The following FGD6 variants were observed in gnomAD, a reference collection of about 807,000 sequenced individuals.
FGD6 encodes the protein FYVE, RhoGEF and PH domain containing 6.
FGD6 carries 90 observed loss-of-function variants against 149.4 expected under a neutral mutation model. The observed-to-expected ratio is 0.60, with a 90% confidence interval of 0.51 to 0.72. The LOEUF (loss-of-function observed/expected upper bound fraction) is 0.72. Ranked by LOEUF, FGD6 falls within the 30% of genes least tolerant of loss-of-function variation. The pLI, the probability that FGD6 is intolerant of heterozygous loss-of-function variation, is 0.00. For synonymous variants in FGD6, 527 were observed against 584.0 expected, an observed-to-expected ratio of 0.90 and a Z score of 1.41; for missense variants, 1,437 against 1,684.8, an observed-to-expected ratio of 0.85 and a Z score of 2.57.
chr12:95,180,621 C>T (rs866887012), intron 2 of FGD6, among the ~76,000 whole-genome samples: 14 of 151,972 alleles, frequency 9.2e-5, no homozygotes, highest in Admixed American at 5.3e-4. Context: ...TGGGCTCAAA[C>T]TCCTAGGCTC....
chr12:95,104,529 T>A (rs571125382), intron 14 of FGD6, among the ~76,000 whole-genome samples: 1 of 151,868 alleles, frequency 6.6e-6, no homozygotes, highest in East Asian at 1.9e-4. Flanking sequence ...CTCCGCCTCC[T>A]GGGTTCAAGC....
In FGD6 at chr12:95,079,763, C is replaced by G. The variant is rs1035194962; in HGVS notation, c.*1757G>C. The G allele has an allele frequency of 2.0e-5, 3 of 152,000 alleles. No individual in the cohort carries two copies. Among genetic ancestry groups the G allele is most frequent in the African/African-American group, 7.2e-5 (3 of 41,388 alleles). The allele number at this position is 152,000 out of a possible 1,614,324, so 9.4% of individuals were successfully genotyped here. Reference sequence around the variant, plus strand: ...CCACAAAAAACTATAGCAGCCAACTCTAGATCTAGTAGGGACTCTGGTGCT... The same window carrying G: ...CCACAAAAAACTATAGCAGCCAACTGTAGATCTAGTAGGGACTCTGGTGCT... On this transcript the variant is annotated 3_prime_UTR_variant, in exon 21 of 21. Transcript: ENST00000343958.
At chr12:95,121,544 C>T (rs114222071) in intron 8 of FGD6, among the ~76,000 whole-genome samples, 1,728 of 148,060 alleles carry the variant, frequency 0.012, 43 homozygotes, top group African/African-American at 0.042. Flanking sequence ...AACTATCTTT[C>T]ATCCTGTCCT....
At chr12:95,104,247 TGCAAAAAGTGTTG>T (rs1220010619) in intron 14 of FGD6, among the ~76,000 whole-genome samples, 2 of 152,078 alleles carry the variant, frequency 1.3e-5, no homozygotes, top group Non-Finnish European at 1.5e-5. Flanking sequence ...CTAACCTAAG[TGCAAAAAGTGTTG>T]GCAATATCTT....
At chr12:95,124,331 CA>C (rs2136250473) in intron 8 of FGD6, among the ~76,000 whole-genome samples, 1 of 152,272 alleles carries the variant, frequency 6.6e-6, no homozygotes, top group East Asian at 1.9e-4. Flanking sequence ...AGCTGTTACC[CA>C]TATTTGGTCT....
intron 5 of FGD6, among the ~76,000 whole-genome samples, chr12:95,148,791 T>G (rs1275192114): frequency 1.9e-5 from 2 of 103,968 alleles, no homozygotes; most frequent in East Asian, 2.5e-4. Context: ...TATTATATAA[T>G]ACATAGCATA....
intron 8 of FGD6, among the ~76,000 whole-genome samples, chr12:95,121,462 A>ATATAT (rs1555218207): frequency 3.3e-5 from 2 of 60,320 alleles, no homozygotes; most frequent in African/African-American, 1.9e-4. Context: ...AAAAAAAAAA[A>ATATAT]AGATATATAT....
In FGD6 at chr12:95,217,417, C is replaced by G; in HGVS notation, c.-177G>C. 1 of 1,049,694 alleles carries G rather than the reference C, an allele frequency of 9.5e-7. No individual in the cohort carries two copies. The highest frequency in any genetic ancestry group is 1.3e-6 in the Non-Finnish European group (1 of 780,476). 65.0% of individuals were successfully genotyped at this position (1,049,694 alleles called of 1,614,324 possible). ...AAGGACGCGGCCGACTCTAGCGACC[C>G]TGCGGCGCTCCCGGGCGCGAGCCGC... On this transcript the variant is annotated 5_prime_UTR_variant, in exon 1 of 21. Coordinates refer to ENST00000343958, the MANE Select transcript of FGD6 (RefSeq NM_018351.4).
intron 2 of FGD6, among the ~76,000 whole-genome samples, chr12:95,176,520 G>A (rs1475686384): frequency 6.6e-6 from 1 of 152,158 alleles, no homozygotes; most frequent in Non-Finnish European, 1.5e-5. Context: ...TCTGCAAGAA[G>A]CCACAGTTTC....
At chr12:95,188,143 T>G (rs1565919369) in intron 2 of FGD6, among the ~76,000 whole-genome samples, 1 of 126,300 alleles carries the variant, frequency 7.9e-6, no homozygotes, top group African/African-American at 2.9e-5. Context: ...TAAACTTCAT[T>G]TTGCAATATA....
At chr12:95,103,933 T>G (rs775675837) in intron 14 of FGD6, among the ~76,000 whole-genome samples, 2 of 152,230 alleles carry the variant, frequency 1.3e-5, no homozygotes, top group Non-Finnish European at 2.9e-5. Context: ...TGTAATTTAG[T>G]TTCCTAATTT....
chr12:95,196,539 T>G (rs1164110942), intron 2 of FGD6, among the ~76,000 whole-genome samples: 1 of 151,846 alleles, frequency 6.6e-6, no homozygotes, highest in African/African-American at 2.4e-5. Context: ...CAGAAGGAAT[T>G]TAAATATGCT....
intron 15 of FGD6, 81 bp downstream of exon 15, chr12:95,094,511 G>A (rs927074801): frequency 1.1e-6 from 1 of 884,802 alleles, no homozygotes; most frequent in Non-Finnish European, 1.8e-6. Context: ...AACACATGTT[G>A]CTTTCTTAAA....
At chr12:95,128,690 T>C (rs1879421402) in intron 8 of FGD6, among the ~76,000 whole-genome samples, 1 of 152,206 alleles carries the variant, frequency 6.6e-6, no homozygotes, top group African/African-American at 2.4e-5. Flanking sequence ...GCCTAAGTGA[T>C]TGGGCATGAC....
At chr12:95,211,494 T>C (rs911350188) in intron 1 of FGD6, among the ~76,000 whole-genome samples, 1 of 152,084 alleles carries the variant, frequency 6.6e-6, no homozygotes, top group Non-Finnish European at 1.5e-5. Context: ...CAATACAGTT[T>C]GTTTCTCCAG....
At chr12:95,123,822 A>G (rs1028198654) in intron 8 of FGD6, among the ~76,000 whole-genome samples, 1 of 152,106 alleles carries the variant, frequency 6.6e-6, no homozygotes, top group Non-Finnish European at 1.5e-5. Flanking sequence ...TCGGCCTCCC[A>G]AAGTGCTGGG....
chr12:95,134,896 A>G, intron 7 of FGD6, 70 bp from the exon 8 acceptor site: 1 of 1,279,382 alleles, frequency 7.8e-7, no homozygotes, highest in Non-Finnish European at 1.1e-6. Flanking sequence ...TCAAGTGCTC[A>G]GGAAGCCAAA....
intron 8 of FGD6, among the ~76,000 whole-genome samples, chr12:95,115,036 T>C (rs1878964997): frequency 6.6e-6 from 1 of 152,250 alleles, no homozygotes; most frequent in Non-Finnish European, 1.5e-5. Flanking sequence ...GCCCCTTCTC[T>C]TACAAAATTT....
chr12:95,108,401 TAA>T lies in FGD6; in HGVS notation c.3209_3210del (p.Leu1070HisfsTer12). 1 of 1,614,170 alleles carries T rather than the reference TAA, an allele frequency of 6.2e-7. No individual in the cohort carries two copies. Among genetic ancestry groups the T allele is most frequent in the Non-Finnish European group, 8.5e-7 (1 of 1,180,022 alleles). ...CCATTTAAGCTGTACTGAATTTGCA[TAA>T]GTTTCTGAAAGTTGTCCTACAGAAA... ...TMKQGDNFQK[L>X]MQIQYSLNGH... On this transcript the variant is annotated frameshift_variant, in exon 11 of 21. Transcript: ENST00000343958. LOFTEE classifies it high-confidence loss of function.
Sources: gnomAD v4.1 joint callset for allele counts (sites outside exome capture counted in the v4.1 genomes callset) on GRCh38, gnomAD v4.1.1 for gene constraint, MANE v1.5 for transcripts, NCBI Gene and HGNC (gene_info 2026-07-23, HGNC 2026-07-21) for gene names.